CRISPLD2: variants seen among roughly 807,000 people sequenced by gnomAD.
CRISPLD2 encodes cysteine-rich secretory protein LCCL domain-containing 2.
In CRISPLD2, 47 loss-of-function variants were observed where a neutral mutation model predicts 71.1. The ratio of observed to expected loss-of-function variants is 0.66; its 90% CI spans 0.52 to 0.84. The LOEUF (loss-of-function observed/expected upper bound fraction) is 0.84, where lower values mean the gene tolerates loss of function less well. Among genes scored for constraint, CRISPLD2 ranks in the 40% least tolerant of loss-of-function variants. The pLI, the probability that CRISPLD2 is intolerant of heterozygous loss-of-function variation, is 0.00. For synonymous variants in CRISPLD2, 317 were observed against 250.1 expected, an observed-to-expected ratio of 1.27 and a Z score of -2.52; for missense variants, 830 against 651.1, an observed-to-expected ratio of 1.27 and a Z score of -2.99.
At chr16:84,828,400 A>T (rs1916407923) in intron 1 of CRISPLD2, 1 of 152,120 alleles carries the variant, frequency 6.6e-6, no homozygotes, top group Non-Finnish European at 1.5e-5. Flanking sequence ...ATGAGTGAGG[A>T]ATTAGAGGCT....
intron 2 of CRISPLD2, among the ~76,000 whole-genome samples, chr16:84,842,775 T>C (rs1916810299): frequency 6.6e-6 from 1 of 152,132 alleles, no homozygotes. Flanking sequence ...AAAGGGGCCA[T>C]GGGAACGTTG....
Position 84,868,852 on chromosome 16 carries a change from C to G in CRISPLD2, c.855C>G (p.Thr285=), listed in dbSNP as rs993443912. The part of the protein sequence containing the change: ...PKKTSAVNYM[T]QVVRCDTKMK... ...TGTATTCCCGCATTTCTCTCCTAGC[C>G]CAAGTCGTCAGATGTGACACCAAGA... is the stretch of plus-strand genomic sequence containing the variant. Residue 285 remains threonine (T), a splice_region_variant and synonymous_variant, in exon 8 of 15, where the codon ACC becomes ACG. Coordinates refer to ENST00000262424, the MANE Select transcript of CRISPLD2 (RefSeq NM_031476.4). 1.9e-6 allele frequency: 3 copies of G among 1,612,038 alleles called. No individual in the cohort carries two copies. Among genetic ancestry groups the G allele is most frequent in the Non-Finnish European group, 1.7e-6 (2 of 1,179,118 alleles).
intron 13 of CRISPLD2, 144 bp from the exon 14 acceptor site, chr16:84,889,086 A>G (rs78835544): frequency 1.0e-5 from 9 of 893,384 alleles, no homozygotes; most frequent in Middle Eastern, 3.5e-4. Flanking sequence ...CAAGGCATCA[A>G]GGTAGTGATG....
At chr16:84,821,315 T>C (rs1409544605) in intron 1 of CRISPLD2, among the ~76,000 whole-genome samples, 2 of 152,134 alleles carry the variant, frequency 1.3e-5, no homozygotes, top group African/African-American at 4.8e-5. Flanking sequence ...ATGCACCTGA[T>C]TTTCTGCTTC....
chr16:84,872,535 T>A lies in CRISPLD2; in HGVS notation c.981+27T>A, dbSNP rs762410863. ...TGAGTGTGGCCAGTCCTCCTCTCAA[T>A]GGCTTGTGTGGGATCCTGTTGCATA... On this transcript the variant is annotated intron_variant, in intron 9 of 14. Coordinates refer to ENST00000262424, the MANE Select transcript of CRISPLD2 (RefSeq NM_031476.4). 2.0e-5 allele frequency: 31 copies of A among 1,578,512 alleles called. 2 individuals are homozygous for A. The South Asian group carries it at 2.9e-4, about 15-fold the overall frequency.
At position 84,872,993 on chromosome 16, in the gene CRISPLD2, C is replaced by A; in HGVS notation, c.983C>A (p.Ser328Ter). Residue 328 changes from serine (S) to a stop codon, truncating the protein, a stop_gained and splice_region_variant, in exon 10 of 15, where the codon TCG becomes TAG. Transcript: ENST00000262424. LOFTEE classifies it high-confidence loss of function. ...KIFGTLFYES[S>*]SSICRAAIHY... ...GGTCTTCTCTTCCCTTCCCGCCAGT[C>A]GTCTAGCATATGCCGCGCCGCCATC... is the stretch of plus-strand genomic sequence containing the variant. 3 of 1,606,984 alleles carry A rather than the reference C, an allele frequency of 1.9e-6. No individual in the cohort carries two copies. Among genetic ancestry groups the A allele is most frequent in the East Asian group, 2.2e-5 (1 of 44,630 alleles).
intron 3 of CRISPLD2, chr16:84,846,150 C>T: frequency 2.8e-6 from 1 of 359,668 alleles, no homozygotes; most frequent in Non-Finnish European, 4.9e-6. Flanking sequence ...TTTGGGTTTT[C>T]CTTCTTCCTT....
intron 1 of CRISPLD2, among the ~76,000 whole-genome samples, chr16:84,825,201 T>C (rs74657169): frequency 0.049 from 7,400 of 151,842 alleles, 254 homozygotes; most frequent in African/African-American, 0.097. Context: ...GTTTGGGAAA[T>C]GCTGGATCAA....
chr16:84,902,469 G>T (rs890474041), intron 14 of CRISPLD2, among the ~76,000 whole-genome samples: 1 of 151,734 alleles, frequency 6.6e-6, no homozygotes, highest in Non-Finnish European at 1.5e-5. Context: ...AATTAGCCAG[G>T]CGTGGTGTTG....
Position 84,907,349 on chromosome 16 carries a change from G to A in CRISPLD2, c.*707G>A, listed in dbSNP as rs2071812506. 1 of 152,558 alleles carries A rather than the reference G, an allele frequency of 6.6e-6. No individual in the cohort carries two copies. Among genetic ancestry groups the A allele is most frequent in the Non-Finnish European group, 1.5e-5 (1 of 68,308 alleles). 9.5% of individuals were successfully genotyped at this position (152,558 alleles called of 1,614,324 possible). On this transcript the variant is annotated 3_prime_UTR_variant, in exon 15 of 15. Coordinates refer to ENST00000262424, the MANE Select transcript of CRISPLD2 (RefSeq NM_031476.4). The stretch of plus-strand genomic sequence containing the variant: ...AGAGTTCAGCAGTCACTTCAGAGAT[G>A]TATCTTGTCTTTGTCAGGCCCTTCG...
In CRISPLD2 at chr16:84,837,706, C is replaced by T. The variant is rs1279347118; in HGVS notation, c.-74-716C>T. ...TGCTGGGATTACAGGCGTGAGCCAC[C>T]GCCCCCGGCCAGCCACAGGTTTCTT... On this transcript the variant is annotated intron_variant, in intron 1 of 14. Coordinates refer to ENST00000262424, the MANE Select transcript of CRISPLD2 (RefSeq NM_031476.4). Among the ~76,000 whole-genome samples, 6 of 152,306 alleles carry T rather than the reference C, an allele frequency of 3.9e-5. No individual in the cohort carries two copies. In the East Asian group the frequency reaches 5.8e-4, roughly 15 times the overall value.
intron 4 of CRISPLD2, among the ~76,000 whole-genome samples, chr16:84,849,834 C>T (rs28555596): frequency 0.013 from 1,951 of 151,824 alleles, 39 homozygotes; most frequent in African/African-American, 0.044. Context: ...CCTCCCACCT[C>T]AGCCTCCTGA....
intron 12 of CRISPLD2, among the ~76,000 whole-genome samples, chr16:84,879,987 G>T (rs1425271800): frequency 6.6e-6 from 1 of 152,184 alleles, no homozygotes. Flanking sequence ...ATGCCCTGGA[G>T]GATCTGTGGT....
At chr16:84,849,357 G>C in intron 3 of CRISPLD2, 28 bp from the exon 4 acceptor site, 1 of 1,603,042 alleles carries the variant, frequency 6.2e-7, no homozygotes, top group East Asian at 2.2e-5. Context: ...GAGGGGCTGG[G>C]ACTGAGTGAG....
intron 1 of CRISPLD2, among the ~76,000 whole-genome samples, chr16:84,829,695 G>A (rs565095743): frequency 3.3e-5 from 5 of 152,354 alleles, no homozygotes; most frequent in Non-Finnish European, 5.9e-5. Flanking sequence ...ACTGGTAAGT[G>A]ACCAGGGCGT....
intron 5 of CRISPLD2, among the ~76,000 whole-genome samples, chr16:84,854,497 G>C (rs1324134953): frequency 6.6e-6 from 1 of 152,156 alleles, no homozygotes; most frequent in Non-Finnish European, 1.5e-5. Context: ...TGTGTGGAAG[G>C]GCATCTTGTA....
At chr16:84,891,398 G>A (rs534170298) in intron 14 of CRISPLD2, among the ~76,000 whole-genome samples, 11 of 152,176 alleles carry the variant, frequency 7.2e-5, no homozygotes, top group South Asian at 2.1e-4. Context: ...CATTCTTCCC[G>A]GGACCCCTGC....
chr16:84,860,900 C>G (rs4261527), intron 6 of CRISPLD2, among the ~76,000 whole-genome samples: 65,701 of 151,962 alleles, frequency 0.43, 14,398 homozygotes, highest in South Asian at 0.53. Flanking sequence ...AGATTTGAGG[C>G]TCAGTATCTG....
At chr16:84,849,638 A>T (rs1010791620) in intron 4 of CRISPLD2, 121 bp downstream of exon 4, 9 of 1,098,820 alleles carry the variant, frequency 8.2e-6, no homozygotes, top group Non-Finnish European at 1.2e-5. Context: ...CATTTTTAAA[A>T]ATTCAGTTCT....
Sources: gnomAD v4.1 joint callset for allele counts (sites outside exome capture counted in the v4.1 genomes callset) on GRCh38, gnomAD v4.1.1 for gene constraint, MANE v1.5 for transcripts, NCBI Gene and HGNC (gene_info 2026-07-23, HGNC 2026-07-21) for gene names.